The following ATP10A variants were observed in gnomAD, a reference collection of about 807,000 sequenced individuals.
The protein encoded by ATP10A is ATPase phospholipid transporting 10A (putative), also known as phospholipid-transporting ATPase VA.
ATP10A carries 111 observed loss-of-function variants against 147.8 expected under a neutral mutation model. That is an observed-to-expected ratio of 0.75 (90% confidence interval 0.64 to 0.88). ATP10A has a LOEUF of 0.88. Ranked by LOEUF, ATP10A falls within the 40% of genes least tolerant of loss-of-function variation. The probability of loss-of-function intolerance (pLI) is 0.00; values close to 1 mark genes in which losing one functional copy is unlikely to be tolerated. For missense variants in ATP10A, 1,927 were observed against 1,959.0 expected, an observed-to-expected ratio of 0.98 and a Z score of 0.31; for synonymous variants, 875 against 841.6, an observed-to-expected ratio of 1.04 and a Z score of -0.69.
At chr15:25,795,102 G>A (rs1890609208) in intron 1 of ATP10A, among the ~76,000 whole-genome samples, 1 of 152,298 alleles carries the variant, frequency 6.6e-6, no homozygotes, top group South Asian at 2.1e-4. Flanking sequence ...AAAAACAATT[G>A]TTTTTTCTTT....
chr15:25,707,954 A>G (rs1399466878), intron 12 of ATP10A, 22 bp downstream of exon 12: 1 of 1,612,954 alleles, frequency 6.2e-7, no homozygotes. Flanking sequence ...GCCCTTAGGC[A>G]TGCGACTCTC....
intron 1 of ATP10A, among the ~76,000 whole-genome samples, chr15:25,830,435 G>A (rs1371184364): frequency 6.6e-6 from 1 of 152,192 alleles, no homozygotes; most frequent in African/African-American, 2.4e-5. Context: ...CCACCACACT[G>A]CCCCTTTGCA....
At position 25,713,850 on chromosome 15, in the gene ATP10A, G is replaced by A. The variant is rs1901592016; in HGVS notation, c.2168C>T (p.Ser723Leu). The A allele has an allele frequency of 6.2e-6, 10 of 1,613,826 alleles. No individual in the cohort carries two copies. The South Asian group carries it at 9.9e-5, about 16-fold the overall frequency. Reference sequence around the variant, plus strand: ...CCTGCCCAGGTGGGGCAGCTCCACTGACACTTGGTCGTGCAGCCGCTCCAC... The same window carrying A: ...CCTGCCCAGGTGGGGCAGCTCCACTAACACTTGGTCGTGCAGCCGCTCCAC... ...VLVERLHDQV[S>L]VELPHLGRLT... The change falls in exon 10 of 21, where the codon TCA (serine) becomes TTA (leucine). Residue 723 changes from serine (S) to leucine (L), a missense_variant. By Grantham distance (145) the Ser-to-Leu change is moderately radical. Transcript: ENST00000555815.
chr15:25,735,267 G>A (rs957138897), intron 3 of ATP10A, among the ~76,000 whole-genome samples: 11 of 152,102 alleles, frequency 7.2e-5, no homozygotes, highest in African/African-American at 2.4e-4. Flanking sequence ...CATCCCCAAG[G>A]GCCCTGGCAG....
chr15:25,834,008 C>A (rs1269937443), intron 1 of ATP10A, among the ~76,000 whole-genome samples: 2 of 151,920 alleles, frequency 1.3e-5, no homozygotes, highest in Non-Finnish European at 2.9e-5. Context: ...ACAAACTACT[C>A]TCTCAGCAAG....
rs147103885 is a variant in ATP10A at position 25,687,929 on chromosome 15, C to G, written c.3166-101G>C. The G allele has an allele frequency of 5.7e-4, 878 of 1,553,912 alleles. 1 individual carries two copies. The highest frequency in any genetic ancestry group is 6.5e-4 in the Non-Finnish European group (735 of 1,127,688). ...AGGTACACAACAGGGAAGGAAAATC[C>G]CCATTCTGAACACAGTGCGAGCGTG... On this transcript the variant is annotated intron_variant, in intron 15 of 20. Coordinates refer to ENST00000555815, the MANE Select transcript of ATP10A (RefSeq NM_024490.4).
downstream of ATP10A, among the ~76,000 whole-genome samples, chr15:25,675,940 C>T (rs1002792462): frequency 1.3e-5 from 2 of 151,292 alleles, no homozygotes; most frequent in East Asian, 2.0e-4. Flanking sequence ...AATGAGACCC[C>T]GTTGGAAAGG....
rs141928852 is a variant in ATP10A at position 25,714,151 on chromosome 15, T to C, written c.1867A>G (p.Ser623Gly). ...FTPSCLTSGC[S>G]SIGSLAANKS... The stretch of plus-strand genomic sequence containing the variant: ...TTGGCGGCCAGGCTCCCGATGCTGC[T>C]GCAGCCTGAGGTCAGGCAGCTGGGT... Residue 623 changes from serine to glycine, a missense_variant, in exon 10 of 21, where the codon AGC (serine) becomes GGC (glycine). Ser to Gly is a moderately conservative substitution (Grantham distance 56, BLOSUM62 0). Coordinates refer to ENST00000555815, the MANE Select transcript of ATP10A (RefSeq NM_024490.4). The C allele has an allele frequency of 7.8e-4, 1,253 of 1,611,198 alleles. 9 individuals carry two copies. In the African/African-American group the frequency reaches 0.016, roughly 20 times the overall value.
At chr15:25,716,396 G>A (rs990219852) in intron 9 of ATP10A, among the ~76,000 whole-genome samples, 5 of 152,166 alleles carry the variant, frequency 3.3e-5, no homozygotes, top group Admixed American at 6.5e-5. Context: ...CAGGCAGGCA[G>A]GGCCTCCACA....
chr15:25,680,903 G>C lies in ATP10A; in HGVS notation c.3585C>G (p.Asp1195Glu). ...CFSIPYLAYY[D>E]SNVDLFTWGT... Reference sequence around the variant, plus strand: ...CCCAGGTAAACAGGTCCACGTTCGAGTCATAGTAGGCCTGAAAGACAGTGG... The same window carrying C: ...CCCAGGTAAACAGGTCCACGTTCGACTCATAGTAGGCCTGAAAGACAGTGG... The change falls in exon 19 of 21, where the codon GAC (aspartate) becomes GAG (glutamate). Residue 1195 changes from aspartate to glutamate, a missense_variant. By Grantham distance (45) the Asp-to-Glu change is conservative (BLOSUM62 2). Transcript: ENST00000555815. 1.2e-6 allele frequency: 2 copies of C among 1,614,132 alleles called. No individual in the cohort carries two copies. The highest frequency in any genetic ancestry group is 2.2e-5 in the South Asian group (2 of 91,084).
chr15:25,864,620 GAAAAT>G (rs1037869419), upstream of ATP10A, among the ~76,000 whole-genome samples: 33 of 152,216 alleles, frequency 2.2e-4, no homozygotes, highest in African/African-American at 8.0e-4. Flanking sequence ...CAGGTGTGAA[GAAAAT>G]AATCCCATCC....
rs8041509 is a variant in ATP10A, at chr15:25,693,454, G to A, written c.3088+1365C>T. ...GAATACCAGACACCAGTGGCTACGC[G>A]GCTGAGGCAGGCACTGGCCAGGCCA... On this transcript the variant is annotated intron_variant, in intron 14 of 20. Transcript: ENST00000555815. Among the ~76,000 whole-genome samples the A allele has an allele frequency of 6.0e-3, 910 of 152,308 alleles. 5 individuals carry two copies. The highest frequency in any genetic ancestry group is 0.02 in the African/African-American group (834 of 41,570).
At chr15:25,840,666 T>C (rs1234251130) in intron 1 of ATP10A, among the ~76,000 whole-genome samples, 1 of 152,172 alleles carries the variant, frequency 6.6e-6, no homozygotes, top group Admixed American at 6.5e-5. Flanking sequence ...TTATCTGGGG[T>C]AAATGCCCAG....
intron 12 of ATP10A, among the ~76,000 whole-genome samples, chr15:25,706,908 G>A (rs1178509545): frequency 6.6e-6 from 1 of 152,186 alleles, no homozygotes; most frequent in African/African-American, 2.4e-5. Flanking sequence ...CTGTCTTCCG[G>A]GGAAGCCCAA....
rs558227089 is a variant in ATP10A, at chr15:25,720,499, G to C, written c.1363+1158C>G. ...TCTCTGATCCCCTCAGGACTCTGCT[G>C]AGTTCTGTTTTTGAGAAGAGCACAA... On this transcript the variant is annotated intron_variant, in intron 7 of 20. Transcript: ENST00000555815. Among the ~76,000 whole-genome samples the C allele has an allele frequency of 7.6e-4, 115 of 152,252 alleles. 4 individuals are homozygous for C. Among genetic ancestry groups the C allele is most frequent in the Non-Finnish European group, 5.0e-4 (34 of 68,028 alleles).
At chr15:25,728,943 G>A (rs1032803927) in intron 3 of ATP10A, among the ~76,000 whole-genome samples, 2 of 152,196 alleles carry the variant, frequency 1.3e-5, no homozygotes, top group East Asian at 1.9e-4. Context: ...TCAGGTGCCT[G>A]GTACCTGGGC....
At chr15:25,843,507 G>C (rs1341775591) in intron 1 of ATP10A, among the ~76,000 whole-genome samples, 1 of 152,110 alleles carries the variant, frequency 6.6e-6, no homozygotes, top group Non-Finnish European at 1.5e-5. Context: ...GCAGAAAAGA[G>C]TTACTCCTCT....
chr15:25,679,775 G>A lies in ATP10A; in HGVS notation c.4066C>T (p.His1356Tyr), dbSNP rs201230742. 1.2e-6 allele frequency: 2 copies of A among 1,612,956 alleles called. No homozygotes were observed. Among genetic ancestry groups the A allele is most frequent in the East Asian group, 4.5e-5 (2 of 44,854 alleles). The change falls in exon 21 of 21, where the codon CAC becomes TAC. Residue 1356 changes from histidine (H) to tyrosine (Y), a missense_variant. Coordinates refer to ENST00000555815, the MANE Select transcript of ATP10A (RefSeq NM_024490.4). ...AGGGAGCAGACCGGCTGCTGTGTGTGCCAAGAAGGCTGGGACAGGGGCACA... is the reference window on the plus strand; with the variant it reads ...AGGGAGCAGACCGGCTGCTGTGTGTACCAAGAAGGCTGGGACAGGGGCACA... Reference protein sequence around the residue: ...TSVPLSQPSWHTQQPVCSLEA... With the variant: ...TSVPLSQPSWYTQQPVCSLEA...
At chr15:25,754,259 G>C (rs377001177) in intron 2 of ATP10A, among the ~76,000 whole-genome samples, 1 of 152,064 alleles carries the variant, frequency 6.6e-6, no homozygotes, top group Non-Finnish European at 1.5e-5. Flanking sequence ...TCAGCCTCCC[G>C]AGTAGCTGGG....
Sources: allele counts gnomAD v4.1 joint callset (sites outside exome capture counted in the v4.1 genomes callset), GRCh38; gene constraint gnomAD v4.1.1; transcripts MANE v1.5; gene names NCBI Gene and HGNC (gene_info 2026-07-23, HGNC 2026-07-21).